The following CSMD1 variants were observed in gnomAD, a reference collection of about 807,000 sequenced individuals.
The protein encoded by CSMD1 is CUB and Sushi multiple domains 1.
Under a neutral mutation model 417.5 loss-of-function variants are expected in CSMD1, and 213 were observed. The observed-to-expected ratio is 0.51, with a 90% CI of 0.46 to 0.57. CSMD1 has a LOEUF of 0.57. CSMD1 is among the 20% of genes least tolerant of loss of function. The pLI is 0.00. For synonymous variants in CSMD1, 2,862 were observed against 1,736.8 expected (o/e 1.65, Z -16.11); for missense variants, 6,923 against 4,529.7 (o/e 1.53, Z -15.17).
At chr8:3,058,306 T>C (rs986788632) in intron 49 of CSMD1, among the ~76,000 whole-genome samples, 3 of 152,188 alleles carry the variant, frequency 2.0e-5, no homozygotes, top group African/African-American at 7.2e-5. Flanking sequence ...AAAATAAATA[T>C]CAATGCTGCT....
chr8:3,769,894 A>G (rs1415163729), intron 5 of CSMD1, among the ~76,000 whole-genome samples: 1 of 152,222 alleles, frequency 6.6e-6, no homozygotes, highest in East Asian at 1.9e-4. Context: ...GTAGCTCTTC[A>G]GGACTTTTGA....
At chr8:4,094,147 G>T (rs901574828) in intron 3 of CSMD1, among the ~76,000 whole-genome samples, 5 of 152,076 alleles carry the variant, frequency 3.3e-5, no homozygotes, top group African/African-American at 1.2e-4. Flanking sequence ...GGGGATGAGG[G>T]GACACAGCCG....
intron 1 of CSMD1, among the ~76,000 whole-genome samples, chr8:4,753,808 C>T (rs962865381): frequency 2.0e-5 from 3 of 152,182 alleles, no homozygotes; most frequent in African/African-American, 7.2e-5. Flanking sequence ...TTTACTCCAT[C>T]GCACTTTCTT....
chr8:4,121,611 C>T (rs1585360037), intron 3 of CSMD1, among the ~76,000 whole-genome samples: 1 of 123,138 alleles, frequency 8.1e-6, no homozygotes, highest in Admixed American at 8.5e-5. Flanking sequence ...TGTGCATAAA[C>T]ACCTAGTTTA....
chr8:4,563,566 G>A (rs551276597), intron 2 of CSMD1, among the ~76,000 whole-genome samples: 18 of 152,238 alleles, frequency 1.2e-4, no homozygotes, highest in African/African-American at 4.1e-4. Context: ...CAACTGTAGT[G>A]CTTTCCTTAT....
intron 49 of CSMD1, among the ~76,000 whole-genome samples, chr8:3,081,774 G>T (rs977394944): frequency 1.3e-5 from 2 of 152,120 alleles, no homozygotes; most frequent in African/African-American, 4.8e-5. Context: ...CCTTATAAAA[G>T]TTACAAAGTC....
chr8:4,411,258 T>G (rs1240200591), intron 3 of CSMD1, among the ~76,000 whole-genome samples: 1 of 152,212 alleles, frequency 6.6e-6, no homozygotes, highest in African/African-American at 2.4e-5. Context: ...GAAAATTGAT[T>G]ATGAAATGGG....
intron 1 of CSMD1, among the ~76,000 whole-genome samples, chr8:4,906,462 T>C (rs1805283061): frequency 6.6e-6 from 1 of 152,234 alleles, no homozygotes; most frequent in South Asian, 2.1e-4. Flanking sequence ...TTAAGTTTTT[T>C]GTAGCAAAGG....
At chr8:3,546,477 G>C (rs1479316720) in intron 10 of CSMD1, among the ~76,000 whole-genome samples, 1 of 151,678 alleles carries the variant, frequency 6.6e-6, no homozygotes, top group African/African-American at 2.4e-5. Flanking sequence ...CGGAGCTTGT[G>C]GTGAGTCAAG....
At chr8:4,777,537 T>C (rs1389049318) in intron 1 of CSMD1, among the ~76,000 whole-genome samples, 1 of 152,182 alleles carries the variant, frequency 6.6e-6, no homozygotes, top group East Asian at 1.9e-4. Flanking sequence ...AACACATTTT[T>C]TAAAAGCAGT....
intron 3 of CSMD1, among the ~76,000 whole-genome samples, chr8:4,262,805 C>A (rs569078954): frequency 3.9e-4 from 60 of 152,244 alleles, no homozygotes; most frequent in Admixed American, 3.9e-3. Context: ...ACCAGATACC[C>A]AGAGACAATG....
At chr8:3,490,618 T>C (rs1052755430) in intron 11 of CSMD1, among the ~76,000 whole-genome samples, 3 of 152,182 alleles carry the variant, frequency 2.0e-5, no homozygotes, top group Non-Finnish European at 4.4e-5. Context: ...TTATTATACA[T>C]ATTTTATAGC....
At chr8:4,030,790 G>C (rs2263475) in intron 4 of CSMD1, among the ~76,000 whole-genome samples, 119,907 of 152,200 alleles carry the variant, frequency 0.79, 47,990 homozygotes, top group African/African-American at 0.93. Flanking sequence ...TGCTTTGCTT[G>C]CCTTATAAAA....
intron 3 of CSMD1, among the ~76,000 whole-genome samples, chr8:4,051,726 A>T (rs1288544151): frequency 6.6e-6 from 1 of 152,182 alleles, no homozygotes; most frequent in Non-Finnish European, 1.5e-5. Context: ...GCAAGCAGGG[A>T]TTAAAGAAAG....
At chr8:3,403,633 A>C (rs1481891514) in intron 15 of CSMD1, among the ~76,000 whole-genome samples, 1 of 152,212 alleles carries the variant, frequency 6.6e-6, no homozygotes, top group East Asian at 1.9e-4. Context: ...GACATAAGGC[A>C]CAGCTTGACT....
intron 3 of CSMD1, among the ~76,000 whole-genome samples, chr8:4,041,116 C>T (rs11136692): frequency 6.8e-6 from 1 of 147,388 alleles, no homozygotes; most frequent in Non-Finnish European, 1.5e-5. Context: ...TCCCGGGTTC[C>T]CGCCATTCTC....
chr8:4,949,657 G>C (rs1211704040), intron 1 of CSMD1, among the ~76,000 whole-genome samples: 1 of 152,186 alleles, frequency 6.6e-6, no homozygotes, highest in South Asian at 2.1e-4. Flanking sequence ...CATGGCAATA[G>C]TGCCAAGGCT....
chr8:4,400,290 G>A (rs557429140), intron 3 of CSMD1, among the ~76,000 whole-genome samples: 5 of 152,292 alleles, frequency 3.3e-5, no homozygotes, highest in African/African-American at 1.2e-4. Context: ...TAAGATACTA[G>A]CAAATGGGAT....
intron 1 of CSMD1, among the ~76,000 whole-genome samples, chr8:4,741,643 G>C (rs1433002654): frequency 1.3e-5 from 2 of 152,122 alleles, no homozygotes; most frequent in African/African-American, 2.4e-5. Context: ...ACACACACGA[G>C]TTTACTTAGG....
Sources: gnomAD v4.1 joint callset for allele counts (sites outside exome capture counted in the v4.1 genomes callset) on GRCh38, gnomAD v4.1.1 for gene constraint, MANE v1.5 for transcripts, NCBI Gene and HGNC (gene_info 2026-07-23, HGNC 2026-07-21) for gene names.